SLC16A7: variants seen among roughly 807,000 people sequenced by gnomAD.
SLC16A7 encodes the protein monocarboxylate transporter 2.
SLC16A7 carries 33 observed loss-of-function variants against 34.9 expected under a neutral mutation model. That is an observed-to-expected ratio of 0.94 (90% CI 0.72 to 1.26). The LOEUF (loss-of-function observed/expected upper bound fraction) is 1.26. SLC16A7 is among the 50% of genes most tolerant of loss of function. The pLI is 0.00. For synonymous variants in SLC16A7, 201 were observed against 206.6 expected (o/e 0.97, Z 0.23); for missense variants, 573 against 578.1 (o/e 0.99, Z 0.09).
chr12:59,617,517 G>A (rs1879507382), intron 1 of SLC16A7, among the ~76,000 whole-genome samples: 1 of 151,904 alleles, frequency 6.6e-6, no homozygotes, highest in African/African-American at 2.4e-5. Flanking sequence ...ATAATGCCCT[G>A]TACATACCTG....
intron 2 of SLC16A7, among the ~76,000 whole-genome samples, chr12:59,688,711 A>G (rs1424110048): frequency 6.6e-6 from 1 of 152,074 alleles, no homozygotes; most frequent in East Asian, 1.9e-4. Flanking sequence ...AGGTATGACT[A>G]AAGACAAATC....
rs146238004 is a variant in SLC16A7, at chr12:59,634,383, C to T, written c.-129-20769C>T. On this transcript the variant is annotated intron_variant, in intron 1 of 5. Transcript: ENST00000547379. Reference sequence around the variant, plus strand: ...TGGTAAGAAAGACTTTATTTAATATCATCACCATAGGTATGGGAAACCACT... The same window carrying T: ...TGGTAAGAAAGACTTTATTTAATATTATCACCATAGGTATGGGAAACCACT... Among the ~76,000 whole-genome samples the T allele has an allele frequency of 6.0e-3, 916 of 152,146 alleles. 35 individuals carry two copies. Among genetic ancestry groups the T allele is most frequent in the Admixed American group, 0.057 (867 of 15,266 alleles).
At chr12:59,615,005 A>AAAAT (rs980697956) in intron 1 of SLC16A7, among the ~76,000 whole-genome samples, 8 of 151,080 alleles carry the variant, frequency 5.3e-5, no homozygotes, top group Non-Finnish European at 1.0e-4. Flanking sequence ...TCCATCTCAA[A>AAAAT]AAATAAATAA....
At chr12:59,725,428 C>T (rs968802287) in intron 3 of SLC16A7, among the ~76,000 whole-genome samples, 13 of 151,982 alleles carry the variant, frequency 8.6e-5, no homozygotes, top group Admixed American at 2.0e-4. Context: ...TTTTGTGGCA[C>T]CTTCTATCAT....
chr12:59,680,688 A>G (rs1870676861), intron 2 of SLC16A7, among the ~76,000 whole-genome samples: 1 of 152,110 alleles, frequency 6.6e-6, no homozygotes. Context: ...CTCTACTAAA[A>G]TATGTATTCA....
chr12:59,605,578 C>T (rs1401591396), intron 1 of SLC16A7, among the ~76,000 whole-genome samples: 2 of 152,154 alleles, frequency 1.3e-5, no homozygotes, highest in African/African-American at 4.8e-5. Context: ...TATTTATTCC[C>T]CTGCTGTGTT....
chr12:59,709,298 T>G (rs1873946321), intron 3 of SLC16A7, among the ~76,000 whole-genome samples: 2 of 151,668 alleles, frequency 1.3e-5, no homozygotes, highest in East Asian at 3.9e-4. Flanking sequence ...TTTTTCTGTT[T>G]TATGTGAATA....
intron 1 of SLC16A7, among the ~76,000 whole-genome samples, chr12:59,632,345 G>A (rs764477247): frequency 6.6e-6 from 1 of 151,950 alleles, no homozygotes; most frequent in Non-Finnish European, 1.5e-5. Context: ...ATTTTCTTTA[G>A]ATTTTTAAAA....
intron 3 of SLC16A7, among the ~76,000 whole-genome samples, chr12:59,726,822 T>C (rs941400830): frequency 6.6e-6 from 1 of 152,020 alleles, no homozygotes; most frequent in Admixed American, 6.6e-5. Flanking sequence ...AATCATTATA[T>C]ACATAATCTG....
At chr12:59,672,537 C>T (rs1338579792) in intron 2 of SLC16A7, among the ~76,000 whole-genome samples, 3 of 151,854 alleles carry the variant, frequency 2.0e-5, no homozygotes, top group South Asian at 4.1e-4. Flanking sequence ...ATTGTTTCAC[C>T]ATGCTGTGTT....
intron 1 of SLC16A7, among the ~76,000 whole-genome samples, chr12:59,652,612 T>C (rs1416869055): frequency 1.3e-5 from 2 of 151,870 alleles, no homozygotes; most frequent in Admixed American, 6.6e-5. Flanking sequence ...TACCTGATAA[T>C]TGGATGAGAA....
intron 2 of SLC16A7, among the ~76,000 whole-genome samples, chr12:59,678,562 C>A (rs1360214846): frequency 1.3e-5 from 2 of 152,106 alleles, no homozygotes; most frequent in African/African-American, 4.8e-5. Context: ...GGCAGGTTGT[C>A]CCATCGTCTC....
At chr12:59,744,111 G>A (rs1485224565) in intron 3 of SLC16A7, among the ~76,000 whole-genome samples, 1 of 152,230 alleles carries the variant, frequency 6.6e-6, no homozygotes, top group African/African-American at 2.4e-5. Context: ...ACTGGAGGCA[G>A]GGAAATTCTG....
At chr12:59,609,148 T>C (rs1216651112) in intron 1 of SLC16A7, among the ~76,000 whole-genome samples, 1 of 152,198 alleles carries the variant, frequency 6.6e-6, no homozygotes, top group Non-Finnish European at 1.5e-5. Context: ...CCCTATGTGG[T>C]ACAGATGCTT....
chr12:59,726,551 A>G (rs1369744884), intron 3 of SLC16A7, among the ~76,000 whole-genome samples: 2 of 152,160 alleles, frequency 1.3e-5, no homozygotes, highest in Admixed American at 6.6e-5. Context: ...ATATTGAATT[A>G]TGTGGTCTAA....
At chr12:59,671,682 A>C (rs565014270) in intron 2 of SLC16A7, among the ~76,000 whole-genome samples, 1,968 of 146,892 alleles carry the variant, frequency 0.013, 32 homozygotes, top group Middle Eastern at 0.028. Flanking sequence ...CTCTCTCTAT[A>C]TATATATATG....
At chr12:59,777,021 G>A (rs1475471543) in intron 5 of SLC16A7, among the ~76,000 whole-genome samples, 9 of 152,116 alleles carry the variant, frequency 5.9e-5, no homozygotes, top group Admixed American at 5.9e-4. Flanking sequence ...TACCATGCAT[G>A]AGGGGATGAA....
chr12:59,623,050 G>C (rs1879765716), intron 1 of SLC16A7, among the ~76,000 whole-genome samples: 1 of 37,346 alleles, frequency 2.7e-5, no homozygotes. Flanking sequence ...TGAATGCTGT[G>C]TGTGTGTGTG....
intron 3 of SLC16A7, among the ~76,000 whole-genome samples, chr12:59,750,311 A>G (rs998368719): frequency 2.6e-5 from 4 of 152,244 alleles, no homozygotes; most frequent in Non-Finnish European, 5.9e-5. Context: ...TTTGCAATCT[A>G]TCCATCCGAC....
Sources: gnomAD v4.1 joint callset for allele counts (sites outside exome capture counted in the v4.1 genomes callset) on GRCh38, gnomAD v4.1.1 for gene constraint, MANE v1.5 for transcripts, NCBI Gene and HGNC (gene_info 2026-07-23, HGNC 2026-07-21) for gene names.